The following PCDHGA12 variants were observed in gnomAD, a reference collection of about 807,000 sequenced individuals.
PCDHGA12 encodes the protein protocadherin gamma-A12.
A neutral mutation model predicts 61.1 loss-of-function variants in PCDHGA12; 43 were observed. The observed-to-expected ratio is 0.70, with a 90% CI of 0.55 to 0.91. The LOEUF is 0.91. Among genes scored for constraint, PCDHGA12 ranks in the 40% least tolerant of loss-of-function variants. PCDHGA12 has a pLI of 0.00. For missense variants in PCDHGA12, 1,236 were observed against 1,227.7 expected, an observed-to-expected ratio of 1.01 and a Z score of -0.10; for synonymous variants, 520 against 542.9, an observed-to-expected ratio of 0.96 and a Z score of 0.59.
chr5:141,495,028 G>C, intron 2 of PCDHGA12, 163 bp downstream of exon 2: 3 of 966,196 alleles, frequency 3.1e-6, no homozygotes, highest in Non-Finnish European at 3.7e-6. Flanking sequence ...CACAGACCCC[G>C]GAAGGAAGAG....
Position 141,486,954 on chromosome 5 carries a change from C to T in PCDHGA12, c.2425-7853C>T, listed in dbSNP as rs764632268. 3.7e-6 allele frequency: 6 copies of T among 1,614,114 alleles called. 1 individual carries two copies. The South Asian group carries it at 6.6e-5, about 18-fold the overall frequency. On this transcript the variant is annotated intron_variant, in intron 1 of 3. Coordinates refer to ENST00000252085, the MANE Select transcript of PCDHGA12 (RefSeq NM_003735.3). The surrounding 1 kb of genome is among the most constrained non-coding windows in gnomAD (Gnocchi z 5.0). ...GCTGGCCACCTAATCACAAAGGTGA[C>T]TGCTGTGGACTTGGATTCAGGTTAC...
Position 141,430,960 on chromosome 5 carries a change from C to T in PCDHGA12, c.201C>T (p.Ile67=), listed in dbSNP as rs2097330619. 6.2e-7 allele frequency: 1 copy of T among 1,612,432 alleles called. No homozygotes were observed. Among genetic ancestry groups the T allele is most frequent in the Non-Finnish European group, 8.5e-7 (1 of 1,179,302 alleles). The change falls in exon 1 of 4, where the codon ATC becomes ATT. Residue 67 remains isoleucine (I), a synonymous_variant. Transcript: ENST00000252085. The part of the protein sequence containing the change: ...RELAERGVRI[I]PRGRTQLFAL... ...TCGCGGAGCGCGGAGTCCGCATCAT[C>T]CCCAGAGGTAGGACGCAGCTTTTCG...
chr5:141,479,616 C>A (rs1371541860), intron 1 of PCDHGA12: 2 of 152,232 alleles, frequency 1.3e-5, no homozygotes, highest in African/African-American at 4.8e-5. Flanking sequence ...TATAGGGAAA[C>A]CATGTCTCTT....
Position 141,470,005 on chromosome 5 carries a change from T to A in PCDHGA12, c.2425-24802T>A, listed in dbSNP as rs189976589. Reference sequence around the variant, plus strand: ...AATTAGCTGGTCGTCGTGGCACGCCTGTAATCCCAGCTACTCGGGATGCTG... The same window carrying A: ...AATTAGCTGGTCGTCGTGGCACGCCAGTAATCCCAGCTACTCGGGATGCTG... On this transcript the variant is annotated intron_variant, in intron 1 of 3. Coordinates refer to ENST00000252085, the MANE Select transcript of PCDHGA12 (RefSeq NM_003735.3). 2.4e-4 allele frequency among the ~76,000 whole-genome samples: 37 copies of A among 152,254 alleles called. 2 individuals carry two copies. The highest frequency in any genetic ancestry group is 7.2e-4 in the Admixed American group (11 of 15,274).
chr5:141,454,385 T>C (rs1168439343), intron 1 of PCDHGA12, among the ~76,000 whole-genome samples: 5 of 152,194 alleles, frequency 3.3e-5, no homozygotes, highest in Non-Finnish European at 7.4e-5. Flanking sequence ...CTTGTCAAGA[T>C]GAAGAAAAGG....
Position 141,432,465 on chromosome 5 carries a change from C to G in PCDHGA12, c.1706C>G (p.Thr569Arg). The part of the protein sequence containing the change: ...APEILYPALP[T>R]DGSTGVELAP... ...GAGATCCTGTACCCCGCCCTCCCCACGGACGGTTCCACTGGCGTGGAGCTG... is the reference window on the plus strand; with the variant it reads ...GAGATCCTGTACCCCGCCCTCCCCAGGGACGGTTCCACTGGCGTGGAGCTG... The change falls in exon 1 of 4, where the codon ACG becomes AGG. Residue 569 changes from threonine to arginine, a missense_variant. By Grantham distance (71) the Thr-to-Arg change is moderately conservative. Transcript: ENST00000252085. The surrounding 1 kb of genome is among the most constrained non-coding windows in gnomAD (Gnocchi z 6.0). The G allele has an allele frequency of 6.2e-7, 1 of 1,614,222 alleles. No individual in the cohort carries two copies. Among genetic ancestry groups the G allele is most frequent in the Non-Finnish European group, 8.5e-7 (1 of 1,180,050 alleles).
Position 141,450,757 on chromosome 5 carries a change from G to A in PCDHGA12, c.2424+17574G>A, listed in dbSNP as rs575351311. Among the ~76,000 whole-genome samples, 5 of 151,964 alleles carry A rather than the reference G, an allele frequency of 3.3e-5. No individual in the cohort carries two copies. In the East Asian group the frequency reaches 9.7e-4, roughly 29 times the overall value. ...CCGCCTTGGCCTCCCAAAGTGCCGG[G>A]ATTACAGGCATGAGCCACCGTGCCC... On this transcript the variant is annotated intron_variant, in intron 1 of 3. Coordinates refer to ENST00000252085, the MANE Select transcript of PCDHGA12 (RefSeq NM_003735.3).
At chr5:141,484,866 C>T in intron 1 of PCDHGA12, 1 of 275,618 alleles carries the variant, frequency 3.6e-6, no homozygotes, top group Non-Finnish European at 6.8e-6. Flanking sequence ...GGTGGGGGAG[C>T]GTGGAGGATA....
chr5:141,431,355 C>T lies in PCDHGA12; in HGVS notation c.596C>T (p.Ala199Val). 1 of 1,614,054 alleles carries T rather than the reference C, an allele frequency of 6.2e-7. No homozygotes were observed. Among genetic ancestry groups the T allele is most frequent in the South Asian group, 1.1e-5 (1 of 91,082 alleles). ...TACCCCGAATTGGTGCTGAAACGCG[C>T]CCTGGACCGCGAAGAAAAGGCTGCT... ...SKYPELVLKR[A>V]LDREEKAAHH... Residue 199 changes from alanine to valine, a missense_variant, in exon 1 of 4, where the codon GCC (alanine) becomes GTC (valine). Transcript: ENST00000252085. The surrounding 1 kb of genome is among the most constrained non-coding windows in gnomAD (Gnocchi z 4.8).
At chr5:141,448,707 G>A (rs1455790773) in intron 1 of PCDHGA12, among the ~76,000 whole-genome samples, 4 of 152,228 alleles carry the variant, frequency 2.6e-5, no homozygotes, top group South Asian at 2.1e-4. Flanking sequence ...TTGGGAGGCC[G>A]AGGCGGGAGG....
At chr5:141,437,796 G>A (rs2097911691) in intron 1 of PCDHGA12, among the ~76,000 whole-genome samples, 1 of 150,348 alleles carries the variant, frequency 6.7e-6, no homozygotes, top group South Asian at 2.1e-4. Context: ...GGAGTGCAGT[G>A]GCACTATCTT....
intron 1 of PCDHGA12, chr5:141,478,809 C>G: frequency 6.9e-7 from 1 of 1,453,454 alleles, no homozygotes; most frequent in Non-Finnish European, 9.0e-7. Flanking sequence ...CTTTTGCTAT[C>G]ACAACTAACC....
Position 141,432,632 on chromosome 5 carries a change from G to T in PCDHGA12, c.1873G>T (p.Glu625Ter). ...GLFSVGLHTG[E>*]VRTARALLDR... ...CTTCTCGGTGGGTCTGCACACGGGCGAGGTGCGCACGGCGCGAGCCCTGCT... is the reference window on the plus strand; with the variant it reads ...CTTCTCGGTGGGTCTGCACACGGGCTAGGTGCGCACGGCGCGAGCCCTGCT... The change falls in exon 1 of 4, where the codon GAG (glutamate) becomes TAG (stop). Residue 625 changes from glutamate to a stop codon, truncating the protein, a stop_gained. Transcript: ENST00000252085. LOFTEE classifies it high-confidence loss of function. This position sits in a 1 kb window ranked among gnomAD's most constrained non-coding sequence, Gnocchi z 6.0. The T allele has an allele frequency of 6.2e-7, 1 of 1,612,834 alleles. No homozygotes were observed. Among genetic ancestry groups the T allele is most frequent in the South Asian group, 1.1e-5 (1 of 90,976 alleles).
rs2154576188 is a variant in PCDHGA12 at position 141,477,933 on chromosome 5, T to C, written c.2425-16874T>C. ...GCGGATGCAGGGCACAATGCCTGGCTCTCCTACAGTCTCTTGGGATCCCCT... is the reference window on the plus strand; with the variant it reads ...GCGGATGCAGGGCACAATGCCTGGCCCTCCTACAGTCTCTTGGGATCCCCT... On this transcript the variant is annotated intron_variant, in intron 1 of 3. Coordinates refer to ENST00000252085, the MANE Select transcript of PCDHGA12 (RefSeq NM_003735.3). The surrounding 1 kb of genome is among the most constrained non-coding windows in gnomAD (Gnocchi z 4.9). 1.2e-6 allele frequency: 2 copies of C among 1,614,112 alleles called. No homozygotes were observed. Among genetic ancestry groups the C allele is most frequent in the Non-Finnish European group, 1.7e-6 (2 of 1,180,022 alleles).
chr5:141,445,890 T>C (rs1435563284), intron 1 of PCDHGA12, among the ~76,000 whole-genome samples: 1 of 152,210 alleles, frequency 6.6e-6, no homozygotes, highest in Non-Finnish European at 1.5e-5. Context: ...ACTTAGGAGC[T>C]ATTAAAATAT....
chr5:141,434,106 T>C (rs1195019110), intron 1 of PCDHGA12, among the ~76,000 whole-genome samples: 1 of 152,236 alleles, frequency 6.6e-6, no homozygotes, highest in Non-Finnish European at 1.5e-5. Context: ...TGTCCCAGGA[T>C]TGGCCTTTGG....
intron 3 of PCDHGA12, among the ~76,000 whole-genome samples, chr5:141,506,925 A>G (rs1287267937): frequency 1.3e-5 from 2 of 152,152 alleles, no homozygotes; most frequent in African/African-American, 4.8e-5. Context: ...ATACTAAACA[A>G]ACTTTAGGGG....
Position 141,491,300 on chromosome 5 carries a change from G to T in PCDHGA12, c.2425-3507G>T. On this transcript the variant is annotated intron_variant, in intron 1 of 3. Coordinates refer to ENST00000252085, the MANE Select transcript of PCDHGA12 (RefSeq NM_003735.3). The surrounding 1 kb of genome is among the most constrained non-coding windows in gnomAD (Gnocchi z 6.9). Reference sequence around the variant, plus strand: ...GACTTCCTCATACACCCTCCTGAGCGTTCAGACCTTACCCTTTACCTCATT... The same window carrying T: ...GACTTCCTCATACACCCTCCTGAGCTTTCAGACCTTACCCTTTACCTCATT... The T allele has an allele frequency of 6.2e-7, 1 of 1,614,136 alleles. No homozygotes were observed. The highest frequency in any genetic ancestry group is 8.5e-7 in the Non-Finnish European group (1 of 1,179,962).
Position 141,510,977 on chromosome 5 carries a change from G to T in PCDHGA12, c.2603G>T (p.Gly868Val). 1.2e-6 allele frequency: 2 copies of T among 1,614,170 alleles called. No individual in the cohort carries two copies. Among genetic ancestry groups the T allele is most frequent in the Non-Finnish European group, 1.7e-6 (2 of 1,180,020 alleles). The change falls in exon 4 of 4, where the codon GGG becomes GTG. Residue 868 changes from glycine to valine, a missense_variant. Physicochemically the swap from Gly to Val is moderately radical, Grantham distance 109. Transcript: ENST00000252085. ...GCTGATGGGAGCTCCACCCTGGGAG[G>T]GGGTGCCGGCACCATGGGATTGAGC... ...EAADGSSTLG[G>V]GAGTMGLSAR...
Sources: gnomAD v4.1 joint callset for allele counts (sites outside exome capture counted in the v4.1 genomes callset) on GRCh38, gnomAD v4.1.1 for gene constraint, Gnocchi (gnomAD v3.1) non-coding constraint, MANE v1.5 for transcripts, NCBI Gene and HGNC (gene_info 2026-07-23, HGNC 2026-07-21) for gene names.